The following NTM variants were observed in gnomAD, a reference collection of about 807,000 sequenced individuals.
NTM encodes IgLON family member 2.
A neutral mutation model predicts 42.1 loss-of-function variants in NTM; 13 were observed. The ratio of observed to expected loss-of-function variants is 0.31; its 90% confidence interval spans 0.20 to 0.49. The LOEUF is 0.49. NTM is among the 20% of genes least tolerant of loss of function. NTM has a pLI of 0.99. For missense variants in NTM, 373 were observed against 452.8 expected (o/e 0.82, Z 1.60); for synonymous variants, 187 against 179.2 (o/e 1.04, Z -0.35).
At chr11:132,100,022 T>G (rs1412325012) in intron 2 of NTM, among the ~76,000 whole-genome samples, 1 of 152,200 alleles carries the variant, frequency 6.6e-6, no homozygotes, top group Non-Finnish European at 1.5e-5. Context: ...TTTGAGACAC[T>G]GGACTAAAAT....
At chr11:132,147,424 C>A (rs554337664) in intron 3 of NTM, among the ~76,000 whole-genome samples, 1 of 151,996 alleles carries the variant, frequency 6.6e-6, no homozygotes, top group South Asian at 2.1e-4. Flanking sequence ...AAGTTATTAC[C>A]GTGTCTCAGG....
chr11:132,003,512 C>G lies in NTM; in HGVS notation c.167+91864C>G, dbSNP rs538587744. On this transcript the variant is annotated intron_variant, in intron 2 of 8. Transcript: ENST00000683400. This position sits in a 1 kb window ranked among gnomAD's most constrained non-coding sequence, Gnocchi z 6.0. ...CCTTCTGGCTCAGACCTCCAATGTGCTGGGATTATAAGCATTAGCCACTGC... is the reference window on the plus strand; with the variant it reads ...CCTTCTGGCTCAGACCTCCAATGTGGTGGGATTATAAGCATTAGCCACTGC... Among the ~76,000 whole-genome samples the G allele has an allele frequency of 6.6e-6, 1 of 152,248 alleles. No homozygotes were observed.
At chr11:131,676,435 ATC>A (rs1271579122) in intron 1 of NTM, among the ~76,000 whole-genome samples, 5 of 151,874 alleles carry the variant, frequency 3.3e-5, no homozygotes, top group African/African-American at 1.2e-4. Context: ...GGGTGTGTGT[ATC>A]TGTGTGTGTG....
chr11:131,556,676 T>C (rs1338651911), intron 1 of NTM, among the ~76,000 whole-genome samples: 1 of 151,980 alleles, frequency 6.6e-6, no homozygotes, highest in African/African-American at 2.4e-5. Flanking sequence ...TAAGTGATTC[T>C]TCTGCCTCAG....
intron 1 of NTM, among the ~76,000 whole-genome samples, chr11:131,454,757 C>T (rs1950744276): frequency 7.0e-6 from 1 of 143,044 alleles, no homozygotes; most frequent in Non-Finnish European, 1.6e-5. Context: ...ATGACAGCTG[C>T]ATTACATCCT....
intron 1 of NTM, chr11:131,774,262 A>T (rs549796824): frequency 3.6e-4 from 78 of 218,578 alleles, no homozygotes; most frequent in African/African-American, 1.7e-3. Context: ...TCTTCTTAGT[A>T]GCATCTCAGG....
At chr11:132,140,581 T>C (rs2068892254) in intron 2 of NTM, among the ~76,000 whole-genome samples, 1 of 152,174 alleles carries the variant, frequency 6.6e-6, no homozygotes, top group Non-Finnish European at 1.5e-5. Flanking sequence ...AGAAATCCAG[T>C]AGGGTCAAAA....
intron 1 of NTM, among the ~76,000 whole-genome samples, chr11:131,420,164 C>A (rs1012979696): frequency 2.0e-5 from 3 of 152,190 alleles, no homozygotes; most frequent in African/African-American, 7.2e-5. Flanking sequence ...GAGAAAGGAA[C>A]TTTGCTGATG....
At chr11:131,431,854 C>G in intron 1 of NTM, among the ~76,000 whole-genome samples, 1 of 152,116 alleles carries the variant, frequency 6.6e-6, no homozygotes, top group Middle Eastern at 3.2e-3. Flanking sequence ...AGTTTCCTCA[C>G]AGTCCAGCAA....
chr11:131,839,989 G>A (rs576904638), intron 1 of NTM, among the ~76,000 whole-genome samples: 13 of 152,220 alleles, frequency 8.5e-5, no homozygotes, highest in Non-Finnish European at 1.8e-4. Flanking sequence ...GACAACTGGA[G>A]GATGGACTTG....
intron 4 of NTM, among the ~76,000 whole-genome samples, chr11:132,274,392 A>G (rs58858410): frequency 0.01 from 1,583 of 152,012 alleles, 32 homozygotes; most frequent in African/African-American, 0.036. Context: ...GCTGCATCCC[A>G]AAAGTTTTTG....
At chr11:131,572,647 A>G (rs931568911) in intron 1 of NTM, among the ~76,000 whole-genome samples, 1 of 152,194 alleles carries the variant, frequency 6.6e-6, no homozygotes, top group Admixed American at 6.5e-5. Flanking sequence ...TGCATGCCAG[A>G]CAAACAACGC....
At position 132,336,571 on chromosome 11, in the gene NTM, C is replaced by T. The variant is rs940842900; in HGVS notation, c.*1425C>T. ...TAGCCCATTATGGGAATCTCTGATG[C>T]CTTTGTGACCACTGGAGAGTTTAAT... On this transcript the variant is annotated 3_prime_UTR_variant, in exon 9 of 9. Transcript: ENST00000683400. The T allele has an allele frequency of 1.3e-5, 2 of 152,586 alleles. No homozygotes were observed. Among genetic ancestry groups the T allele is most frequent in the African/African-American group, 4.8e-5 (2 of 41,428 alleles). The allele number at this position is 152,586 out of a possible 1,614,324, so 9.5% of individuals were successfully genotyped here. A position where few individuals can be genotyped will look rare whatever the true frequency, so the allele number is the denominator to read the frequency against.
At chr11:131,457,520 A>T (rs11222634) in intron 1 of NTM, among the ~76,000 whole-genome samples, 12,324 of 152,160 alleles carry the variant, frequency 0.081, 1,271 homozygotes, top group African/African-American at 0.23. Flanking sequence ...GGGTTATTCC[A>T]TTTGCCGAAA....
In NTM at chr11:132,280,976, A is replaced by G. The variant is rs1264107693; in HGVS notation, c.527-26713A>G. Among the ~76,000 whole-genome samples, 4 of 152,202 alleles carry G rather than the reference A, an allele frequency of 2.6e-5. No homozygotes were observed. In the South Asian group the frequency reaches 8.3e-4, roughly 31 times the overall value. The stretch of plus-strand genomic sequence containing the variant: ...CACTTGAGGCAAATAACATTCTCTC[A>G]CTATTAGCAGCTTTGATCTTTTTTA... On this transcript the variant is annotated intron_variant, in intron 4 of 8. Transcript: ENST00000683400.
chr11:131,858,154 A>G (rs75683668), intron 1 of NTM, among the ~76,000 whole-genome samples: 4,941 of 152,192 alleles, frequency 0.032, 258 homozygotes, highest in African/African-American at 0.11. Context: ...TGTTTGCTTG[A>G]AATGCTAACC....
At chr11:131,769,531 G>A (rs374434676) in intron 1 of NTM, 30 of 795,628 alleles carry the variant, frequency 3.8e-5, no homozygotes, top group African/African-American at 2.4e-4. Flanking sequence ...TTATTGTTTC[G>A]TTTCCTTTTT....
intron 2 of NTM, among the ~76,000 whole-genome samples, chr11:131,992,666 C>T (rs1159310754): frequency 6.6e-6 from 1 of 152,118 alleles, no homozygotes; most frequent in Non-Finnish European, 1.5e-5. Flanking sequence ...AAGATTAAAT[C>T]TTACACACAC....
At chr11:131,663,401 C>T (rs1431842499) in intron 1 of NTM, 1 of 152,266 alleles carries the variant, frequency 6.6e-6, no homozygotes, top group African/African-American at 2.4e-5. Flanking sequence ...GCCAGTGCCC[C>T]AGGTTGGCAC....
Sources: allele counts gnomAD v4.1 joint callset (sites outside exome capture counted in the v4.1 genomes callset), GRCh38; gene constraint gnomAD v4.1.1; non-coding constraint Gnocchi (gnomAD v3.1); transcripts MANE v1.5; gene names NCBI Gene and HGNC (gene_info 2026-07-23, HGNC 2026-07-21).